GPR180: variants seen among roughly 807,000 people sequenced by gnomAD.
GPR180 encodes the protein integral membrane protein GPR180.
In GPR180, 53 loss-of-function variants were observed where a neutral mutation model predicts 52.6. That is an observed-to-expected ratio of 1.01 (90% CI 0.81 to 1.27). GPR180 has a LOEUF of 1.27. GPR180 is among the 50% of genes most tolerant of loss of function. The probability of loss-of-function intolerance (pLI) is 0.00; values close to 1 mark genes in which losing one functional copy is unlikely to be tolerated. For missense variants in GPR180, 533 were observed against 527.0 expected, an observed-to-expected ratio of 1.01 and a Z score of -0.11; for synonymous variants, 200 against 193.1, an observed-to-expected ratio of 1.04 and a Z score of -0.30.
rs140154422 is a variant in GPR180, at chr13:94,620,581, G to A, written c.737-497G>A. ...AATGTTTGGATGTTATGGGAGCTAT[G>A]CATTTCATTGTATTGTTTCTTGTTA... On this transcript the variant is annotated intron_variant, in intron 5 of 8. Transcript: ENST00000376958. Among the ~76,000 whole-genome samples, 232 of 152,262 alleles carry A rather than the reference G, an allele frequency of 1.5e-3. 1 individual carries two copies. Among genetic ancestry groups the A allele is most frequent in the Non-Finnish European group, 2.7e-3 (181 of 68,024 alleles).
intron 1 of GPR180, among the ~76,000 whole-genome samples, chr13:94,602,482 CTTTTTTTTTT>C (rs34288293): frequency 1.5e-5 from 2 of 134,482 alleles, no homozygotes; most frequent in East Asian, 2.2e-4. Context: ...CTTAAATTTC[CTTTTTTTTTT>C]TTTTTTTTTT....
chr13:94,607,933 G>T (rs1889655761), intron 2 of GPR180, among the ~76,000 whole-genome samples: 1 of 152,076 alleles, frequency 6.6e-6, no homozygotes, highest in Non-Finnish European at 1.5e-5. Context: ...TTGTTGTTTG[G>T]CTGGTTGTTA....
At chr13:94,626,957 A>T in intron 8 of GPR180, 56 bp from the exon 9 acceptor site, 2 of 1,220,866 alleles carry the variant, frequency 1.6e-6, no homozygotes, top group Middle Eastern at 2.1e-4. Flanking sequence ...AATAAATTGA[A>T]TATTATTTCT....
intron 6 of GPR180, among the ~76,000 whole-genome samples, chr13:94,621,480 A>G (rs1889850540): frequency 6.6e-6 from 1 of 152,154 alleles, no homozygotes; most frequent in Non-Finnish European, 1.5e-5. Flanking sequence ...AATTTACCTG[A>G]ATTTGAGCTC....
At chr13:94,604,344 T>TTA (rs1038112925) in intron 1 of GPR180, among the ~76,000 whole-genome samples, 4 of 141,760 alleles carry the variant, frequency 2.8e-5, no homozygotes, top group African/African-American at 1.0e-4. Context: ...AAAAATAAAT[T>TTA]AAAAAAAAAA....
Position 94,624,772 on chromosome 13 carries a change from G to A in GPR180, c.1087-1194G>A, listed in dbSNP as rs553189581. Reference sequence around the variant, plus strand: ...TTAGCCAGGATGCTCTCGACCTCCTGACCTTGTGATATGCCCGCCTTGGCC... The same window carrying A: ...TTAGCCAGGATGCTCTCGACCTCCTAACCTTGTGATATGCCCGCCTTGGCC... On this transcript the variant is annotated intron_variant, in intron 7 of 8. Transcript: ENST00000376958. Among the ~76,000 whole-genome samples, 28 of 152,280 alleles carry A rather than the reference G, an allele frequency of 1.8e-4. No homozygotes were observed. In the East Asian group the frequency reaches 4.6e-3, roughly 25 times the overall value.
intron 7 of GPR180, 27 bp from the exon 8 acceptor site, chr13:94,625,939 C>A: frequency 6.4e-7 from 1 of 1,573,512 alleles, no homozygotes; most frequent in Non-Finnish European, 8.7e-7. Flanking sequence ...CACAGTTCTA[C>A]TTATTTCACT....
intron 6 of GPR180, 42 bp from the exon 7 acceptor site, chr13:94,623,067 A>G (rs1021478001): frequency 2.1e-6 from 3 of 1,419,196 alleles, no homozygotes; most frequent in African/African-American, 2.8e-5. Flanking sequence ...GTAATGAGGT[A>G]TATTTTTTTT....
Position 94,633,496 on chromosome 13 carries a change from A to C in GPR180, c.*6325A>C, listed in dbSNP as rs1890026988. ...ATTTCTCTTATTAATTTTTGTTTTA[A>C]AACCATTTTCTTTCCAGTTCTACGA... On this transcript the variant is annotated 3_prime_UTR_variant, in exon 9 of 9. Coordinates refer to ENST00000376958, the MANE Select transcript of GPR180 (RefSeq NM_180989.6). The C allele has an allele frequency of 6.6e-6, 1 of 151,910 alleles. No individual in the cohort carries two copies. Among genetic ancestry groups the C allele is most frequent in the Non-Finnish European group, 1.5e-5 (1 of 67,966 alleles). 9.4% of individuals were successfully genotyped at this position (151,910 alleles called of 1,614,324 possible). A position where few individuals can be genotyped will look rare whatever the true frequency, so the allele number is the denominator to read the frequency against.
Position 94,606,287 on chromosome 13 carries a change from CTT to C in GPR180, c.304+740_304+741del, listed in dbSNP as rs1260403054. Among the ~76,000 whole-genome samples the C allele has an allele frequency of 7.2e-5, 11 of 152,302 alleles. No individual in the cohort carries two copies. The South Asian group carries it at 2.1e-3, about 29-fold the overall frequency. ...CTCCAGCCTGGGCGACAGAGTGAGA[CTT>C]TGTCTCAAAAAAGTCACTTTGAGAT... On this transcript the variant is annotated intron_variant, in intron 2 of 8. Transcript: ENST00000376958.
rs964533918 is a variant in GPR180, at chr13:94,630,817, A to C, written c.*3646A>C. 6.6e-6 allele frequency: 1 copy of C among 152,238 alleles called. No homozygotes were observed. The highest frequency in any genetic ancestry group is 1.5e-5 in the Non-Finnish European group (1 of 68,048). The allele number at this position is 152,238 out of a possible 1,614,324, so 9.4% of individuals were successfully genotyped here. On this transcript the variant is annotated 3_prime_UTR_variant, in exon 9 of 9. Coordinates refer to ENST00000376958, the MANE Select transcript of GPR180 (RefSeq NM_180989.6). ...AGAACTCACCATCTGTGGTGGATTT[A>C]TATGGTGCAGTTTAGTCAACCTGGA...
intron 2 of GPR180, among the ~76,000 whole-genome samples, chr13:94,607,527 C>T (rs553893310): frequency 3.3e-5 from 5 of 152,312 alleles, no homozygotes; most frequent in Admixed American, 6.5e-5. Context: ...CTGGCTCCTC[C>T]GTCGATTAAG....
chr13:94,616,834 CAG>C (rs34502965), intron 3 of GPR180, among the ~76,000 whole-genome samples: 16,247 of 152,104 alleles, frequency 0.11, 1,331 homozygotes, highest in African/African-American at 0.23. Context: ...AGGAAGAAAA[CAG>C]ACTTTTTTAA....
intron 8 of GPR180, 122 bp downstream of exon 8, chr13:94,626,165 G>T: frequency 1.7e-6 from 1 of 572,820 alleles, no homozygotes; most frequent in East Asian, 3.1e-5. Flanking sequence ...TTAAAACTTT[G>T]AAACAAAATA....
At position 94,601,876 on chromosome 13, in the gene GPR180, G is replaced by C; in HGVS notation, c.-52G>C. ...TCCCCCAGCTGCCGACGTGGGGCGG[G>C]CAGCCGCCGGCGGCTGGGAGCCGAG... On this transcript the variant is annotated 5_prime_UTR_variant, in exon 1 of 9. Transcript: ENST00000376958. 1 of 1,333,378 alleles carries C rather than the reference G, an allele frequency of 7.5e-7. No homozygotes were observed. The highest frequency in any genetic ancestry group is 9.6e-7 in the Non-Finnish European group (1 of 1,040,640). The allele number at this position is 1,333,378 out of a possible 1,614,324, so 82.6% of individuals were successfully genotyped here.
intron 1 of GPR180, 40 bp downstream of exon 1, chr13:94,602,112 C>G: frequency 7.8e-7 from 1 of 1,283,266 alleles, no homozygotes; most frequent in Non-Finnish European, 9.9e-7. Context: ...GGCGCGCTGG[C>G]CCATCCCGCC....
rs569027538 is a variant in GPR180, at chr13:94,618,656, G to A, written c.506-494G>A. Among the ~76,000 whole-genome samples the A allele has an allele frequency of 9.2e-5, 14 of 152,054 alleles. No homozygotes were observed. In the South Asian group the frequency reaches 1.2e-3, roughly 14 times the overall value. On this transcript the variant is annotated intron_variant, in intron 3 of 8. Coordinates refer to ENST00000376958, the MANE Select transcript of GPR180 (RefSeq NM_180989.6). ...GATTCAATAGATCAAAAACTGGATG[G>A]CACTCAAGAATTTGCGTTTATAACA...
At chr13:94,605,352 A>G in intron 1 of GPR180, 39 bp from the exon 2 acceptor site, 2 of 1,608,826 alleles carry the variant, frequency 1.2e-6, no homozygotes, top group Admixed American at 1.7e-5. Flanking sequence ...AGTTTCATGT[A>G]AGACCAAACT....
At chr13:94,602,247 T>C (rs1302296968) in intron 1 of GPR180, among the ~76,000 whole-genome samples, 175 bp downstream of exon 1, 1 of 152,246 alleles carries the variant, frequency 6.6e-6, no homozygotes, top group Non-Finnish European at 1.5e-5. Context: ...GATGCGTTCC[T>C]TGCCAACCCC....
Sources: gnomAD v4.1 joint callset for allele counts (sites outside exome capture counted in the v4.1 genomes callset) on GRCh38, gnomAD v4.1.1 for gene constraint, MANE v1.5 for transcripts, NCBI Gene and HGNC (gene_info 2026-07-23, HGNC 2026-07-21) for gene names.